CNOT10: variants seen among roughly 807,000 people sequenced by gnomAD.
The protein encoded by CNOT10 is CCR4-NOT transcription complex subunit 10.
CNOT10 carries 30 observed loss-of-function variants against 94.6 expected under a neutral mutation model. The ratio of observed to expected loss-of-function variants is 0.32; its 90% CI spans 0.24 to 0.43. CNOT10 has a LOEUF of 0.43. Ranked by LOEUF, CNOT10 falls within the 20% of genes least tolerant of loss-of-function variation. The probability of loss-of-function intolerance (pLI) is 1.00; values close to 1 mark genes in which losing one functional copy is unlikely to be tolerated. For synonymous variants in CNOT10, 289 were observed against 301.6 expected (o/e 0.96, Z 0.43); for missense variants, 759 against 877.2 (o/e 0.87, Z 1.70).
intron 1 of CNOT10, among the ~76,000 whole-genome samples, chr3:32,691,164 T>A (rs1353809699): frequency 2.0e-5 from 3 of 147,528 alleles, no homozygotes; most frequent in Non-Finnish European, 3.0e-5. Flanking sequence ...GCCAGCTTTT[T>A]TTTTTTTTTT....
At chr3:32,697,666 G>A (rs2125501685) in intron 1 of CNOT10, among the ~76,000 whole-genome samples, 1 of 152,102 alleles carries the variant, frequency 6.6e-6, no homozygotes, top group South Asian at 2.1e-4. Context: ...ATAGAGACAG[G>A]GTCTTGTTTT....
rs996583617 is a variant in CNOT10 at position 32,760,317 on chromosome 3, A to T, written c.1709+746A>T. On this transcript the variant is annotated intron_variant, in intron 14 of 18. Coordinates refer to ENST00000328834, the MANE Select transcript of CNOT10 (RefSeq NM_015442.3). ...ATTCTAAAATTTTCCAAAGCACATT[A>T]TCTTTTCTTTTACCAAAATTGAGTA... Among the ~76,000 whole-genome samples, 4 of 151,962 alleles carry T rather than the reference A, an allele frequency of 2.6e-5. No homozygotes were observed. In the East Asian group the frequency reaches 7.8e-4, roughly 29 times the overall value.
intron 1 of CNOT10, among the ~76,000 whole-genome samples, chr3:32,696,637 C>A (rs1697082975): frequency 2.0e-5 from 3 of 152,150 alleles, no homozygotes; most frequent in Admixed American, 2.0e-4. Flanking sequence ...GTCTCACTGT[C>A]ACCCAAGCTG....
At chr3:32,761,803 G>A (rs1700458680) in intron 14 of CNOT10, among the ~76,000 whole-genome samples, 1 of 128,348 alleles carries the variant, frequency 7.8e-6, no homozygotes, top group Admixed American at 8.2e-5. Flanking sequence ...TTTTGTATTT[G>A]CTCTTATTGC....
intron 15 of CNOT10, among the ~76,000 whole-genome samples, chr3:32,763,665 T>A (rs1700545136): frequency 6.6e-6 from 1 of 151,162 alleles, no homozygotes; most frequent in Admixed American, 6.6e-5. Flanking sequence ...AAAAAAAAAA[T>A]TAAATAATTA....
intron 1 of CNOT10, among the ~76,000 whole-genome samples, chr3:32,695,063 C>T (rs918782535): frequency 1.3e-5 from 2 of 152,146 alleles, no homozygotes; most frequent in African/African-American, 4.8e-5. Context: ...TCCTTTATTT[C>T]TACACTACTG....
chr3:32,688,240 T>C (rs1696711992), intron 1 of CNOT10, among the ~76,000 whole-genome samples: 1 of 152,184 alleles, frequency 6.6e-6, no homozygotes, highest in Non-Finnish European at 1.5e-5. Context: ...GGAGCTTATT[T>C]ACTATGAAGG....
At chr3:32,717,337 A>G (rs1698168121) in intron 7 of CNOT10, 100 bp downstream of exon 7, 1 of 645,936 alleles carries the variant, frequency 1.5e-6, no homozygotes, top group Non-Finnish European at 2.7e-6. Flanking sequence ...TTTTACATAT[A>G]CTGCCAGATA....
intron 13 of CNOT10, among the ~76,000 whole-genome samples, chr3:32,739,465 T>C (rs1275690359): frequency 6.6e-6 from 1 of 152,248 alleles, no homozygotes; most frequent in Non-Finnish European, 1.5e-5. Context: ...AAGCCTGCTG[T>C]GACTTCCTTC....
chr3:32,764,103 G>A lies in CNOT10; in HGVS notation c.1841-352G>A, dbSNP rs557685304. The A allele has an allele frequency of 7.0e-4, 139 of 197,464 alleles. 3 individuals are homozygous for A. The South Asian group carries it at 0.011, about 16-fold the overall frequency. 12.2% of individuals were successfully genotyped at this position (197,464 alleles called of 1,614,324 possible). On this transcript the variant is annotated intron_variant, in intron 15 of 18. Coordinates refer to ENST00000328834, the MANE Select transcript of CNOT10 (RefSeq NM_015442.3). The stretch of plus-strand genomic sequence containing the variant: ...CGTGCCATTGCACTCCAGCCTGGGC[G>A]GCAACAAGAGCAAAACTCCATCTCC...
chr3:32,730,992 T>G (rs1392371946), intron 10 of CNOT10: 1 of 152,216 alleles, frequency 6.6e-6, no homozygotes, highest in African/African-American at 2.4e-5. Flanking sequence ...TGGGCCAGTT[T>G]GTTTTCATCT....
intron 13 of CNOT10, among the ~76,000 whole-genome samples, chr3:32,740,861 T>TAAA (rs35227726): frequency 7.3e-5 from 10 of 137,246 alleles, no homozygotes; most frequent in African/African-American, 2.2e-4. Context: ...GACTCCGTCT[T>TAAA]AAAAAAAAAA....
At position 32,710,322 on chromosome 3, in the gene CNOT10, G is replaced by T. The variant is rs563779864; in HGVS notation, c.430+1502G>T. Among the ~76,000 whole-genome samples, 907 of 146,720 alleles carry T rather than the reference G, an allele frequency of 6.2e-3. 16 individuals are homozygous for T. Among genetic ancestry groups the T allele is most frequent in the African/African-American group, 0.022 (869 of 39,740 alleles). On this transcript the variant is annotated intron_variant, in intron 4 of 18. Coordinates refer to ENST00000328834, the MANE Select transcript of CNOT10 (RefSeq NM_015442.3). Reference sequence around the variant, plus strand: ...ACTGCTTGGATTTTTTTTAAAGACTGTTTTTTTAGAGAAGGTTTAGATTTA... The same window carrying T: ...ACTGCTTGGATTTTTTTTAAAGACTTTTTTTTTAGAGAAGGTTTAGATTTA...
intron 1 of CNOT10, among the ~76,000 whole-genome samples, chr3:32,698,521 CAT>C (rs1697183280): frequency 6.6e-6 from 1 of 151,990 alleles, no homozygotes; most frequent in South Asian, 2.1e-4. Flanking sequence ...AAATTACAGA[CAT>C]AAATATATTT....
At chr3:32,699,663 G>A (rs1036733568) in intron 1 of CNOT10, among the ~76,000 whole-genome samples, 2 of 152,148 alleles carry the variant, frequency 1.3e-5, no homozygotes, top group African/African-American at 2.4e-5. Flanking sequence ...GATGAGGTGC[G>A]AAAGTGGAGG....
At position 32,769,852 on chromosome 3, in the gene CNOT10, G is replaced by GT. The variant is rs767486814; in HGVS notation, c.2005-29dup. 6 of 1,574,864 alleles carry GT rather than the reference G, an allele frequency of 3.8e-6. No individual in the cohort carries two copies. In the South Asian group the frequency reaches 5.5e-5, roughly 15 times the overall value. ...CTTGGAGTGTGTATCTTAAGCTTTT[G>GT]TTTTTTCACGGGCATCTTTCTGTTT... is the stretch of plus-strand genomic sequence containing the variant. On this transcript the variant is annotated intron_variant, in intron 17 of 18. Coordinates refer to ENST00000328834, the MANE Select transcript of CNOT10 (RefSeq NM_015442.3).
chr3:32,744,353 G>A (rs1183616151), intron 13 of CNOT10, among the ~76,000 whole-genome samples: 4 of 152,110 alleles, frequency 2.6e-5, no homozygotes, highest in African/African-American at 9.7e-5. Flanking sequence ...AGACACCAAT[G>A]CAAAGCCCCA....
At chr3:32,688,024 G>C (rs939329324) in intron 1 of CNOT10, among the ~76,000 whole-genome samples, 1 of 152,100 alleles carries the variant, frequency 6.6e-6, no homozygotes, top group African/African-American at 2.4e-5. Flanking sequence ...AAGAAAAAAG[G>C]GTCATGAAAG....
chr3:32,686,021 T>C (rs1193801582), intron 1 of CNOT10, among the ~76,000 whole-genome samples: 2 of 152,200 alleles, frequency 1.3e-5, no homozygotes, highest in African/African-American at 4.8e-5. Flanking sequence ...CAAGCGATCC[T>C]TCCGCCTTGG....
Sources: gnomAD v4.1 joint callset for allele counts (sites outside exome capture counted in the v4.1 genomes callset) on GRCh38, gnomAD v4.1.1 for gene constraint, MANE v1.5 for transcripts, NCBI Gene and HGNC (gene_info 2026-07-23, HGNC 2026-07-21) for gene names.